The following RGL1 variants were observed in gnomAD, a reference collection of about 807,000 sequenced individuals.
The protein encoded by RGL1 is ral guanine nucleotide dissociation stimulator like 1, also known as ral guanine nucleotide dissociation stimulator-like 1.
Under a neutral mutation model 95.2 loss-of-function variants are expected in RGL1, and 24 were observed. The observed-to-expected ratio is 0.25, with a 90% CI of 0.18 to 0.35. The LOEUF (loss-of-function observed/expected upper bound fraction) is 0.35. Among genes scored for constraint, RGL1 ranks in the 10% least tolerant of loss-of-function variants. The pLI, the probability that RGL1 is intolerant of heterozygous loss-of-function variation, is 1.00. For synonymous variants in RGL1, 329 were observed against 344.9 expected, an observed-to-expected ratio of 0.95 and a Z score of 0.51; for missense variants, 715 against 936.3, an observed-to-expected ratio of 0.76 and a Z score of 3.08.
At chr1:183,647,899 G>A in intron 1 of RGL1, 1 of 1,614,172 alleles carries the variant, frequency 6.2e-7, no homozygotes, top group Non-Finnish European at 8.5e-7. Context: ...AGAGGCACTA[G>A]CACAAAAACA....
intron 16 of RGL1, among the ~76,000 whole-genome samples, chr1:183,917,488 C>G (rs1252213868): frequency 3.9e-5 from 6 of 152,240 alleles, no homozygotes; most frequent in Admixed American, 3.9e-4. Flanking sequence ...TTCCACATCT[C>G]TCCTCATCTT....
intron 2 of RGL1, among the ~76,000 whole-genome samples, chr1:183,846,754 C>T (rs771696487): frequency 4.9e-4 from 74 of 151,986 alleles, no homozygotes; most frequent in Non-Finnish European, 8.8e-4. Context: ...GTGATGGGTG[C>T]CTGTAATCCC....
At chr1:183,813,344 G>A (rs1358460830) in intron 2 of RGL1, among the ~76,000 whole-genome samples, 1 of 152,202 alleles carries the variant, frequency 6.6e-6, no homozygotes, top group Non-Finnish European at 1.5e-5. Context: ...ACTAGCAAAT[G>A]CCTGCGTTAC....
At chr1:183,645,874 T>C (rs1015839166) in intron 1 of RGL1, among the ~76,000 whole-genome samples, 2 of 152,268 alleles carry the variant, frequency 1.3e-5, no homozygotes, top group Non-Finnish European at 2.9e-5. Flanking sequence ...AGTAATCTTC[T>C]TTGTAGCCCT....
chr1:183,875,475 G>T (rs535722001), intron 4 of RGL1, among the ~76,000 whole-genome samples: 1 of 152,158 alleles, frequency 6.6e-6, no homozygotes. Flanking sequence ...TGAAGATCGT[G>T]GGGTGGCTAG....
chr1:183,647,900 C>T (rs1233943322), intron 1 of RGL1: 1 of 1,614,132 alleles, frequency 6.2e-7, no homozygotes, highest in Non-Finnish European at 8.5e-7. Flanking sequence ...GAGGCACTAG[C>T]ACAAAAACAA....
At chr1:183,890,136 G>T (rs1186565667) in intron 8 of RGL1, among the ~76,000 whole-genome samples, 1 of 152,006 alleles carries the variant, frequency 6.6e-6, no homozygotes, top group East Asian at 1.9e-4. Context: ...CTGTAGTATA[G>T]TATCAAAAAC....
At chr1:183,778,052 C>T (rs1374479435) in intron 2 of RGL1, among the ~76,000 whole-genome samples, 2 of 152,144 alleles carry the variant, frequency 1.3e-5, no homozygotes, top group East Asian at 3.8e-4. Context: ...TTCTTTCCTC[C>T]AGCTCTGTAT....
At chr1:183,658,445 C>T (rs143983208) in intron 1 of RGL1, among the ~76,000 whole-genome samples, 10,395 of 152,112 alleles carry the variant, frequency 0.068, 619 homozygotes, top group African/African-American at 0.16. Flanking sequence ...CCCACGGAGT[C>T]TCGCTGATTG....
intron 2 of RGL1, chr1:183,742,372 C>A: frequency 6.6e-7 from 1 of 1,525,854 alleles, no homozygotes; most frequent in Non-Finnish European, 9.0e-7. Flanking sequence ...TAGCCAGCAC[C>A]ACAGGCCAGC....
chr1:183,810,746 G>T (rs545824714), intron 2 of RGL1, among the ~76,000 whole-genome samples: 1 of 152,148 alleles, frequency 6.6e-6, no homozygotes, highest in Non-Finnish European at 1.5e-5. Flanking sequence ...TCATGGTGTT[G>T]CTATCCATGT....
chr1:183,761,961 C>T (rs1171581474), intron 2 of RGL1, among the ~76,000 whole-genome samples: 3 of 152,206 alleles, frequency 2.0e-5, no homozygotes, highest in African/African-American at 7.2e-5. Flanking sequence ...GTAGCTTCTT[C>T]ACCTCTCACA....
At chr1:183,815,405 T>C (rs1343279458) in intron 2 of RGL1, among the ~76,000 whole-genome samples, 1 of 152,252 alleles carries the variant, frequency 6.6e-6, no homozygotes, top group Non-Finnish European at 1.5e-5. Flanking sequence ...TGCCACTTTC[T>C]GTCCAAAGGC....
intron 2 of RGL1, among the ~76,000 whole-genome samples, chr1:183,814,175 A>G (rs1057213436): frequency 2.1e-5 from 3 of 145,332 alleles, no homozygotes; most frequent in Non-Finnish European, 4.5e-5. Flanking sequence ...ACCACCTTGT[A>G]GGAAGCTCAG....
intron 2 of RGL1, among the ~76,000 whole-genome samples, chr1:183,749,909 G>A (rs1195204891): frequency 2.0e-5 from 3 of 152,194 alleles, no homozygotes; most frequent in Admixed American, 2.0e-4. Flanking sequence ...CTGGATTCTA[G>A]TGTTTCTACA....
intron 1 of RGL1, among the ~76,000 whole-genome samples, chr1:183,723,486 G>A (rs1057311820): frequency 1.3e-5 from 2 of 152,210 alleles, no homozygotes; most frequent in Non-Finnish European, 2.9e-5. Context: ...ATAGCAAAGA[G>A]AATCTGTGCT....
chr1:183,763,414 A>C (rs6677040), intron 2 of RGL1, among the ~76,000 whole-genome samples: 27,230 of 152,154 alleles, frequency 0.18, 3,356 homozygotes, highest in African/African-American at 0.35. Context: ...GTATCTACTA[A>C]GTGCTATAAA....
At chr1:183,872,520 T>C (rs2102613710) in intron 4 of RGL1, among the ~76,000 whole-genome samples, 1 of 152,364 alleles carries the variant, frequency 6.6e-6, no homozygotes, top group African/African-American at 2.4e-5. Context: ...TTGAAATCGT[T>C]CTGCTTTCAT....
chr1:183,780,386 C>T (rs958581802), intron 2 of RGL1, among the ~76,000 whole-genome samples: 1 of 152,188 alleles, frequency 6.6e-6, no homozygotes, highest in Admixed American at 6.5e-5. Context: ...TGACCTTGGC[C>T]TCATTAGCCC....
Sources: gnomAD v4.1 joint callset for allele counts (sites outside exome capture counted in the v4.1 genomes callset) on GRCh38, gnomAD v4.1.1 for gene constraint, MANE v1.5 for transcripts, NCBI Gene and HGNC (gene_info 2026-07-23, HGNC 2026-07-21) for gene names.